Variants in LAMA5 observed in about 807,000 individuals in gnomAD.
LAMA5 encodes the protein laminin subunit alpha 5, also known as laminin subunit alpha-5.
In LAMA5, 260 loss-of-function variants were observed where a neutral mutation model predicts 433.4. The ratio of observed to expected loss-of-function variants is 0.60; its 90% confidence interval spans 0.54 to 0.66. The LOEUF is 0.66. Ranked by LOEUF, LAMA5 falls within the 30% of genes least tolerant of loss-of-function variation. The probability of loss-of-function intolerance (pLI) is 0.00; values close to 1 mark genes in which losing one functional copy is unlikely to be tolerated. For missense variants in LAMA5, 5,378 were observed against 5,258.5 expected (o/e 1.02, Z -0.70); for synonymous variants, 2,620 against 2,226.6 (o/e 1.18, Z -4.97).
At chr20:62,337,304 A>C (rs530562979) in intron 16 of LAMA5, among the ~76,000 whole-genome samples, 6 of 152,304 alleles carry the variant, frequency 3.9e-5, no homozygotes, top group Non-Finnish European at 7.4e-5. Context: ...TAGGTGACAC[A>C]CACACCCACA....
At chr20:62,352,873 T>C (rs1984571784) in intron 3 of LAMA5, 7 of 451,076 alleles carry the variant, frequency 1.6e-5, no homozygotes, top group South Asian at 9.5e-5. Context: ...TGCCGGTGCA[T>C]GAAGCCATCC....
intron 31 of LAMA5, 100 bp downstream of exon 31, chr20:62,330,388 G>T: frequency 7.1e-7 from 1 of 1,403,750 alleles, no homozygotes; most frequent in South Asian, 1.5e-5. Context: ...GAGTCATGTT[G>T]CCTGTCGCTC....
At position 62,318,524 on chromosome 20, in the gene LAMA5, C is replaced by T. The variant is rs530380498; in HGVS notation, c.7169G>A (p.Arg2390Gln). ...GLMDLREALN[R>Q]AVDATREAQE... The stretch of plus-strand genomic sequence containing the variant: ...GGCCTCCCGTGTGGCGTCCACTGCC[C>T]GGTTCAAAGCCTCTCGCAGGTCCAT... The change falls in exon 53 of 80, where the codon CGG becomes CAG. Residue 2390 changes from arginine (R) to glutamine (Q), a missense_variant. Transcript: ENST00000252999. 2.2e-5 allele frequency: 36 copies of T among 1,609,606 alleles called. No individual in the cohort carries two copies. Among genetic ancestry groups the T allele is most frequent in the South Asian group, 9.9e-5 (9 of 91,068 alleles).
rs1986046322 is a variant in LAMA5 at position 62,310,044 on chromosome 20, G to A, written c.10772C>T (p.Ser3591Phe). 3 of 1,611,372 alleles carry A rather than the reference G, an allele frequency of 1.9e-6. No homozygotes were observed. The highest frequency in any genetic ancestry group is 1.1e-5 in the South Asian group (1 of 91,072). The change falls in exon 78 of 80, where the codon TCC becomes TTC. Residue 3591 changes from serine to phenylalanine, a missense_variant. By Grantham distance (155) the Ser-to-Phe change is radical. Coordinates refer to ENST00000252999, the MANE Select transcript of LAMA5 (RefSeq NM_005560.6). ...CACTGAGGGGCGGGTCACTGACGTG[G>A]AGAACTCCCCTGCTCCGTCATCCGC... ...LRADDGAGEF[S>F]TSVTRPSVLC...
intron 64 of LAMA5, 28 bp from the exon 65 acceptor site, chr20:62,313,278 G>A (rs1248881393): frequency 1.8e-5 from 28 of 1,540,976 alleles, no homozygotes; most frequent in East Asian, 4.9e-5. Flanking sequence ...TGGGGTCAGC[G>A]GAGGGTGGGG....
chr20:62,353,108 C>G (rs878903026), intron 3 of LAMA5, 26 bp downstream of exon 3: 34 of 1,520,810 alleles, frequency 2.2e-5, no homozygotes, highest in Non-Finnish European at 3.0e-5. Context: ...CCTCTCCCCC[C>G]AGGCCCCACG....
intron 40 of LAMA5, 83 bp downstream of exon 40, chr20:62,326,594 C>G: frequency 8.7e-7 from 1 of 1,152,142 alleles, no homozygotes; most frequent in Non-Finnish European, 1.3e-6. Flanking sequence ...AGAATGGGCA[C>G]AGCAGCACTG....
At chr20:62,312,371 C>T (rs1251106823) in intron 68 of LAMA5, 29 bp downstream of exon 68, 1 of 1,600,078 alleles carries the variant, frequency 6.2e-7, no homozygotes, top group African/African-American at 1.3e-5. Context: ...TCCACAGATG[C>T]CACCCCCAGC....
At chr20:62,321,538 CGCCAGTGGAGGAAGAGGGG>C (rs1411929506) in intron 48 of LAMA5, among the ~76,000 whole-genome samples, 2 of 44,536 alleles carry the variant, frequency 4.5e-5, no homozygotes, top group African/African-American at 2.6e-4. Context: ...GAAAGGGTGG[CGCCAGTGGAGGAAGAGGGG>C]GCCAGTGGAG....
At chr20:62,356,715 C>T (rs2011200927) in intron 2 of LAMA5, among the ~76,000 whole-genome samples, 1 of 152,180 alleles carries the variant, frequency 6.6e-6, no homozygotes, top group South Asian at 2.1e-4. Flanking sequence ...CTCCAGGCTT[C>T]AGGGGTTGTG....
At chr20:62,365,648 C>T (rs1986638067) in intron 1 of LAMA5, among the ~76,000 whole-genome samples, 1 of 152,100 alleles carries the variant, frequency 6.6e-6, no homozygotes, top group Admixed American at 6.5e-5. Context: ...CGTCCTGAGA[C>T]CCGGCCCCTC....
chr20:62,325,155 C>T, intron 41 of LAMA5, 161 bp downstream of exon 41: 1 of 585,452 alleles, frequency 1.7e-6, no homozygotes, highest in Non-Finnish European at 3.0e-6. Context: ...GACAGGCAGG[C>T]CCATGAGTTG....
chr20:62,348,376 G>A (rs756400180), intron 6 of LAMA5, among the ~76,000 whole-genome samples: 7 of 151,940 alleles, frequency 4.6e-5, no homozygotes, highest in African/African-American at 7.3e-5. Flanking sequence ...AAGCCAAGGC[G>A]GGTGGATCAC....
chr20:62,311,684 G>C lies in LAMA5; in HGVS notation c.9736C>G (p.Leu3246Val), dbSNP rs1387646459. 4 of 1,587,986 alleles carry C rather than the reference G, an allele frequency of 2.5e-6. No individual in the cohort carries two copies. In the South Asian group the frequency reaches 3.4e-5, roughly 14 times the overall value. ...PQPEGPPRLL[L>V]GGLPESGTIY... The stretch of plus-strand genomic sequence containing the variant: ...GTGCCAGACTCAGGCAGGCCTCCCA[G>C]GAGGAGCCTCGGGGGCCCCTCAGGC... Residue 3246 changes from leucine (L) to valine (V), a missense_variant, in exon 71 of 80, where the codon CTG (leucine) becomes GTG (valine). Physicochemically the swap from Leu to Val is conservative, Grantham distance 32 (BLOSUM62 1). Coordinates refer to ENST00000252999, the MANE Select transcript of LAMA5 (RefSeq NM_005560.6).
Position 62,345,894 on chromosome 20 carries a change from CG to C in LAMA5, c.1418-18del. On this transcript the variant is annotated intron_variant, in intron 10 of 79. Transcript: ENST00000252999. Reference sequence around the variant, plus strand: ...AGGGCGTCGCTGAGGGGAAGAGACACGCATGTTGGCCAGGTCTGCTCAGAAC... The same window carrying C: ...AGGGCGTCGCTGAGGGGAAGAGACACCATGTTGGCCAGGTCTGCTCAGAAC... The C allele has an allele frequency of 6.4e-7, 1 of 1,556,324 alleles. No individual in the cohort carries two copies. The highest frequency in any genetic ancestry group is 8.7e-7 in the Non-Finnish European group (1 of 1,149,912).
chr20:62,327,900 A>G lies in LAMA5; in HGVS notation c.4763T>C (p.Val1588Ala), dbSNP rs1461985909. 6.2e-7 allele frequency: 1 copy of G among 1,611,368 alleles called. No homozygotes were observed. The highest frequency in any genetic ancestry group is 1.3e-5 in the African/African-American group (1 of 74,894). Residue 1588 changes from valine to alanine, a missense_variant, in exon 36 of 80, where the codon GTG becomes GCG. Val to Ala is a moderately conservative substitution (Grantham distance 64). Coordinates refer to ENST00000252999, the MANE Select transcript of LAMA5 (RefSeq NM_005560.6). ...DCHEAGTAPG[V>A]CDPLTGQCYC... ...GCACTGCCCTGTGAGGGGGTCACAC[A>G]CGCCAGGCGCAGTGCCCGCCTCGTG...
At chr20:62,318,111 T>G (rs1601299756) in intron 53 of LAMA5, among the ~76,000 whole-genome samples, 1 of 1,510 alleles carries the variant, frequency 6.6e-4, no homozygotes, top group Non-Finnish European at 1.2e-3. Flanking sequence ...ATAGAGGAGG[T>G]GGGGAAAGGG....
chr20:62,336,805 G>A lies in LAMA5; in HGVS notation c.2165-19C>T, dbSNP rs1040160790. On this transcript the variant is annotated intron_variant, in intron 16 of 79. Transcript: ENST00000252999. ...GAGCCAGCTGTGAAGAGAGGACCAT[G>A]CCTCGGTCATTTCCCAGTGACCAAC... 2.5e-6 allele frequency: 4 copies of A among 1,611,382 alleles called. No homozygotes were observed. The highest frequency in any genetic ancestry group is 2.7e-5 in the African/African-American group (2 of 74,920).
At chr20:62,309,656 G>A in intron 79 of LAMA5, 60 bp downstream of exon 79, 1 of 1,379,572 alleles carries the variant, frequency 7.2e-7, no homozygotes, top group Non-Finnish European at 9.6e-7. Context: ...AGGGTGGTAG[G>A]TTACGCAGCA....
Sources: allele counts gnomAD v4.1 joint callset (sites outside exome capture counted in the v4.1 genomes callset), GRCh38; gene constraint gnomAD v4.1.1; transcripts MANE v1.5; gene names NCBI Gene and HGNC (gene_info 2026-07-23, HGNC 2026-07-21).